ATP2B2: variants seen among roughly 807,000 people sequenced by gnomAD.
The protein encoded by ATP2B2 is plasma membrane calcium-transporting ATPase 2.
ATP2B2 carries 15 observed loss-of-function variants against 120.0 expected under a neutral mutation model. The observed-to-expected ratio is 0.12, with a 90% confidence interval of 0.08 to 0.19. The LOEUF is 0.19. ATP2B2 is among the 10% of genes least tolerant of loss of function. The pLI, the probability that ATP2B2 is intolerant of heterozygous loss-of-function variation, is 1.00. For synonymous variants in ATP2B2, 694 were observed against 700.3 expected, an observed-to-expected ratio of 0.99 and a Z score of 0.14; for missense variants, 1,045 against 1,719.8, an observed-to-expected ratio of 0.61 and a Z score of 6.94.
chr3:10,325,857 C>T lies in ATP2B2; in HGVS notation c.*2957G>A, dbSNP rs1014545661. 3 of 152,206 alleles carry T rather than the reference C, an allele frequency of 2.0e-5. No homozygotes were observed. Among genetic ancestry groups the T allele is most frequent in the African/African-American group, 7.2e-5 (3 of 41,450 alleles). The allele number at this position is 152,206 out of a possible 1,614,324, so 9.4% of individuals were successfully genotyped here. A position where few individuals can be genotyped will look rare whatever the true frequency, so the allele number is the denominator to read the frequency against. On this transcript the variant is annotated 3_prime_UTR_variant, in exon 23 of 23. Coordinates refer to ENST00000360273, the MANE Select transcript of ATP2B2 (RefSeq NM_001001331.4). ...TTAGCTCTCAGAACCAAATCTGCCACTTACTCCTGGAGCCCTTGTCTAGAG... is the reference window on the plus strand; with the variant it reads ...TTAGCTCTCAGAACCAAATCTGCCATTTACTCCTGGAGCCCTTGTCTAGAG...
intron 18 of ATP2B2, among the ~76,000 whole-genome samples, chr3:10,344,741 C>G (rs2060381798): frequency 6.6e-6 from 1 of 152,186 alleles, no homozygotes; most frequent in Admixed American, 6.5e-5. Context: ...AAATGAGGAT[C>G]ATCACAGTTC....
intron 12 of ATP2B2, among the ~76,000 whole-genome samples, chr3:10,368,140 G>A (rs180896470): frequency 6.6e-6 from 1 of 152,226 alleles, no homozygotes; most frequent in East Asian, 1.9e-4. Context: ...TGGTCTCTAC[G>A]GTTTGTGAGT....
At chr3:10,372,721 T>G (rs1421791455) in intron 11 of ATP2B2, among the ~76,000 whole-genome samples, 1 of 152,240 alleles carries the variant, frequency 6.6e-6, no homozygotes, top group Non-Finnish European at 1.5e-5. Flanking sequence ...ACATCTTGTA[T>G]ATCAACATCC....
intron 11 of ATP2B2, among the ~76,000 whole-genome samples, chr3:10,374,073 A>C (rs1252712042): frequency 6.6e-6 from 1 of 152,230 alleles, no homozygotes; most frequent in Non-Finnish European, 1.5e-5. Context: ...TAACTTTAAC[A>C]CTACCTAAGA....
At chr3:10,425,079 C>T (rs1320185375) in intron 2 of ATP2B2, among the ~76,000 whole-genome samples, 3 of 151,604 alleles carry the variant, frequency 2.0e-5, no homozygotes, top group Admixed American at 2.0e-4. Flanking sequence ...TCATCTGGGG[C>T]CAGGAGTTTG....
chr3:10,640,011 G>T (rs548776670), intron 1 of ATP2B2, among the ~76,000 whole-genome samples: 1 of 152,116 alleles, frequency 6.6e-6, no homozygotes, highest in Non-Finnish European at 1.5e-5. Context: ...TGGTGTTTTT[G>T]CACTGAAAGT....
In ATP2B2 at chr3:10,602,056, G is replaced by A. The variant is rs532531092; in HGVS notation, c.-415+17861C>T. On this transcript the variant is annotated intron_variant, in intron 2 of 21. Coordinates refer to the ATP2B2 transcript ENST00000646379. ...GGATGTCCTCCCCGCGCCTGCAGAGGAAGAGCTGAGGCTCCAGCGGCTCTC... is the reference window on the plus strand; with the variant it reads ...GGATGTCCTCCCCGCGCCTGCAGAGAAAGAGCTGAGGCTCCAGCGGCTCTC... Among the ~76,000 whole-genome samples the A allele has an allele frequency of 5.9e-5, 9 of 152,362 alleles. No homozygotes were observed. In the South Asian group the frequency reaches 1.9e-3, roughly 32 times the overall value.
At chr3:10,504,239 C>T (rs139470605) in intron 1 of ATP2B2, among the ~76,000 whole-genome samples, 3 of 151,796 alleles carry the variant, frequency 2.0e-5, no homozygotes, top group Admixed American at 6.6e-5. Flanking sequence ...AGTTAACAGG[C>T]GGAGGCCCCC....
At chr3:10,553,297 C>T (rs938042187) in intron 2 of ATP2B2, among the ~76,000 whole-genome samples, 2 of 152,214 alleles carry the variant, frequency 1.3e-5, no homozygotes, top group African/African-American at 4.8e-5. Flanking sequence ...GCAGGGACCA[C>T]GTCTGGTTTG....
chr3:10,585,846 T>C (rs574078857), intron 2 of ATP2B2, among the ~76,000 whole-genome samples: 3 of 152,282 alleles, frequency 2.0e-5, no homozygotes, highest in African/African-American at 7.2e-5. Context: ...CCCTCAAAAC[T>C]AACTTCTCTA....
chr3:10,358,195 C>T (rs1467002991), intron 14 of ATP2B2, among the ~76,000 whole-genome samples: 1 of 152,250 alleles, frequency 6.6e-6, no homozygotes, highest in Non-Finnish European at 1.5e-5. Context: ...GGCTGGTAAA[C>T]TGCATCTGCA....
chr3:10,378,506 C>T, intron 9 of ATP2B2, 96 bp from the exon 10 acceptor site: 7 of 1,527,938 alleles, frequency 4.6e-6, no homozygotes, highest in Non-Finnish European at 6.2e-6. Context: ...CCACCCCTGC[C>T]TGCCCAGGGT....
intron 2 of ATP2B2, among the ~76,000 whole-genome samples, chr3:10,576,528 T>C (rs2068251355): frequency 6.6e-6 from 1 of 152,072 alleles, no homozygotes; most frequent in Non-Finnish European, 1.5e-5. Flanking sequence ...ACAGGTGTGG[T>C]GCCACCTTTC....
chr3:10,565,035 G>A (rs1036298017), intron 2 of ATP2B2, among the ~76,000 whole-genome samples: 1 of 152,152 alleles, frequency 6.6e-6, no homozygotes, highest in Non-Finnish European at 1.5e-5. Context: ...TAAAACACTG[G>A]GGGGTGTGTG....
chr3:10,649,840 G>T (rs2070408529), intron 1 of ATP2B2, among the ~76,000 whole-genome samples: 2 of 152,202 alleles, frequency 1.3e-5, no homozygotes, highest in African/African-American at 4.8e-5. Context: ...GAGGTTCCCT[G>T]CACAAGCTCT....
intron 3 of ATP2B2, among the ~76,000 whole-genome samples, chr3:10,406,356 A>T (rs1226114509): frequency 6.6e-6 from 1 of 152,212 alleles, no homozygotes; most frequent in Non-Finnish European, 1.5e-5. Context: ...ACGGCTGGAC[A>T]AGGTCCCTGT....
At chr3:10,597,541 C>G (rs546114667) in intron 2 of ATP2B2, among the ~76,000 whole-genome samples, 2 of 152,300 alleles carry the variant, frequency 1.3e-5, no homozygotes, top group South Asian at 4.2e-4. Flanking sequence ...GGACGAGTAA[C>G]TGGCCATCAA....
At chr3:10,580,849 C>G (rs2068372611) in intron 2 of ATP2B2, among the ~76,000 whole-genome samples, 1 of 152,184 alleles carries the variant, frequency 6.6e-6, no homozygotes, top group Admixed American at 6.5e-5. Context: ...TGAATACAGT[C>G]ATATTCATTT....
intron 3 of ATP2B2, among the ~76,000 whole-genome samples, chr3:10,407,429 C>A (rs188936817): frequency 3.9e-5 from 6 of 152,330 alleles, no homozygotes; most frequent in African/African-American, 1.4e-4. Context: ...TCCCTCTGGC[C>A]TGCGCTCCCT....
Sources: gnomAD v4.1 joint callset for allele counts (sites outside exome capture counted in the v4.1 genomes callset) on GRCh38, gnomAD v4.1.1 for gene constraint, MANE v1.5 for transcripts, NCBI Gene and HGNC (gene_info 2026-07-23, HGNC 2026-07-21) for gene names.